The following FRYL variants were observed in gnomAD, a reference collection of about 807,000 sequenced individuals.
FRYL encodes protein furry homolog-like.
Under a neutral mutation model 351.2 loss-of-function variants are expected in FRYL, and 150 were observed. The observed-to-expected ratio is 0.43, with a 90% CI of 0.37 to 0.49. The LOEUF (loss-of-function observed/expected upper bound fraction) is 0.49, where lower values mean the gene tolerates loss of function less well. FRYL is among the 20% of genes least tolerant of loss of function. The probability of loss-of-function intolerance (pLI) is 0.00; values close to 1 mark genes in which losing one functional copy is unlikely to be tolerated. For missense variants in FRYL, 3,036 were observed against 3,619.3 expected, an observed-to-expected ratio of 0.84 and a Z score of 4.13; for synonymous variants, 1,153 against 1,257.1, an observed-to-expected ratio of 0.92 and a Z score of 1.75.
intron 2 of FRYL, among the ~76,000 whole-genome samples, chr4:48,689,895 CTTT>C (rs869300628): frequency 7.4e-6 from 1 of 135,670 alleles, no homozygotes; most frequent in Non-Finnish European, 1.6e-5. Flanking sequence ...TTCTTTTTTT[CTTT>C]TTTTTTTTTT....
At chr4:48,752,330 C>G (rs1298146982) in intron 1 of FRYL, among the ~76,000 whole-genome samples, 1 of 152,164 alleles carries the variant, frequency 6.6e-6, no homozygotes, top group Non-Finnish European at 1.5e-5. Flanking sequence ...CAATTTCTGC[C>G]CAATGAGAAG....
At chr4:48,679,917 A>C (rs1198886771) in intron 3 of FRYL, among the ~76,000 whole-genome samples, 2 of 152,106 alleles carry the variant, frequency 1.3e-5, no homozygotes, top group Admixed American at 1.3e-4. Context: ...TTACATAATT[A>C]TTTTTAATAA....
intron 53 of FRYL, among the ~76,000 whole-genome samples, chr4:48,525,339 G>A (rs1725866494): frequency 6.6e-6 from 1 of 152,032 alleles, no homozygotes; most frequent in Non-Finnish European, 1.5e-5. Context: ...TTGGGAAAAT[G>A]TAAATGGTGG....
intron 33 of FRYL, among the ~76,000 whole-genome samples, chr4:48,559,597 T>C (rs1435294418): frequency 1.7e-5 from 1 of 58,060 alleles, no homozygotes; most frequent in Admixed American, 2.4e-4. Context: ...ACTGGGGAGG[T>C]TGAGGGAAGA....
At chr4:48,552,465 T>C (rs1733090231) in intron 36 of FRYL, among the ~76,000 whole-genome samples, 1 of 152,140 alleles carries the variant, frequency 6.6e-6, no homozygotes, top group South Asian at 2.1e-4. Context: ...CTACTCTTTA[T>C]GAAAAGACAG....
chr4:48,635,501 G>C (rs1754042477), intron 3 of FRYL, among the ~76,000 whole-genome samples: 1 of 152,162 alleles, frequency 6.6e-6, no homozygotes, highest in Admixed American at 6.6e-5. Context: ...TCACTCATAG[G>C]ATAGTGGTGC....
intron 4 of FRYL, among the ~76,000 whole-genome samples, chr4:48,626,087 T>C (rs1381087810): frequency 6.6e-6 from 1 of 152,124 alleles, no homozygotes; most frequent in Non-Finnish European, 1.5e-5. Context: ...ATCCATTTAA[T>C]TATAGAATAC....
At chr4:48,546,350 C>T (rs1731327294) in intron 41 of FRYL, 79 bp from the exon 42 acceptor site, 1 of 1,140,906 alleles carries the variant, frequency 8.8e-7, no homozygotes, top group Non-Finnish European at 1.3e-6. Context: ...ACTGTTGTTC[C>T]TTAGACTCTA....
At chr4:48,588,294 T>C (rs1742557909) in intron 18 of FRYL, among the ~76,000 whole-genome samples, 1 of 152,246 alleles carries the variant, frequency 6.6e-6, no homozygotes, top group Non-Finnish European at 1.5e-5. Context: ...GTTCTTATAA[T>C]TTTATGTTGC....
At chr4:48,611,364 T>A (rs2149284920) in intron 7 of FRYL, among the ~76,000 whole-genome samples, 1 of 152,200 alleles carries the variant, frequency 6.6e-6, no homozygotes, top group South Asian at 2.1e-4. Context: ...ACCTACCAGA[T>A]GTATATATTT....
At chr4:48,535,064 A>G (rs1430263961) in intron 48 of FRYL, among the ~76,000 whole-genome samples, 1 of 152,168 alleles carries the variant, frequency 6.6e-6, no homozygotes, top group Non-Finnish European at 1.5e-5. Flanking sequence ...CTTAGGCATC[A>G]AATAGATATT....
chr4:48,601,192 A>C (rs561834714), intron 13 of FRYL, among the ~76,000 whole-genome samples: 10 of 152,324 alleles, frequency 6.6e-5, no homozygotes, highest in Non-Finnish European at 1.5e-4. Flanking sequence ...TCAAAGTATA[A>C]GGTTTTCAGT....
At position 48,598,590 on chromosome 4, in the gene FRYL, T is replaced by C. The variant is rs540711460; in HGVS notation, c.1036-2590A>G. ...CAGAATATTTTAAAATTGTGACTTT[T>C]GGTGAAGAATCAGCATTCAGTGTCA... On this transcript the variant is annotated intron_variant, in intron 13 of 63. Transcript: ENST00000358350. Among the ~76,000 whole-genome samples, 122 of 152,316 alleles carry C rather than the reference T, an allele frequency of 8.0e-4. 1 individual carries two copies. Among genetic ancestry groups the C allele is most frequent in the African/African-American group, 2.8e-3 (117 of 41,582 alleles).
chr4:48,552,539 G>A (rs1733102135), intron 36 of FRYL, among the ~76,000 whole-genome samples: 1 of 152,132 alleles, frequency 6.6e-6, no homozygotes, highest in Non-Finnish European at 1.5e-5. Flanking sequence ...TAGAGAAAAT[G>A]AGGACTTCTG....
chr4:48,543,370 T>G (rs1730652087), intron 44 of FRYL, among the ~76,000 whole-genome samples: 1 of 152,228 alleles, frequency 6.6e-6, no homozygotes, highest in African/African-American at 2.4e-5. Context: ...TTAGGAACTT[T>G]GTCTCATTGA....
In FRYL at chr4:48,540,553, T is replaced by C. The variant is rs754714221; in HGVS notation, c.6095A>G (p.His2032Arg). ...ACTCTCTGATTTATCCAAAGGCAAATGGATAAGCAGTTTGTTGAGAAGCCT... is the reference window on the plus strand; with the variant it reads ...ACTCTCTGATTTATCCAAAGGCAAACGGATAAGCAGTTTGTTGAGAAGCCT... ...ALRLLNKLLI[H>R]LPLDKSESRE... is the part of the protein sequence containing the mutation. Residue 2032 changes from histidine (H) to arginine (R), a missense_variant, in exon 46 of 64, where the codon CAT (histidine) becomes CGT (arginine). Physicochemically the swap from His to Arg is conservative, Grantham distance 29. Transcript: ENST00000358350. 6.2e-7 allele frequency: 1 copy of C among 1,614,040 alleles called. No individual in the cohort carries two copies. The highest frequency in any genetic ancestry group is 1.1e-5 in the South Asian group (1 of 91,082).
chr4:48,780,055 G>A (rs1365141001), intron 1 of FRYL, 23 bp downstream of exon 1: 1 of 152,196 alleles, frequency 6.6e-6, no homozygotes, highest in Non-Finnish European at 1.5e-5. Flanking sequence ...AAAATGAAGC[G>A]CCTTTCCCCA....
intron 1 of FRYL, among the ~76,000 whole-genome samples, chr4:48,713,635 C>T (rs1768382617): frequency 6.6e-6 from 1 of 152,066 alleles, no homozygotes; most frequent in Non-Finnish European, 1.5e-5. Context: ...TCCTGAGTGA[C>T]CTACAAAGAG....
intron 2 of FRYL, among the ~76,000 whole-genome samples, chr4:48,695,391 G>GT (rs1376308321): frequency 6.6e-6 from 1 of 152,100 alleles, no homozygotes; most frequent in Non-Finnish European, 1.5e-5. Flanking sequence ...TCATTTAAAG[G>GT]TAAGTTTTCC....
Sources: gnomAD v4.1 joint callset for allele counts (sites outside exome capture counted in the v4.1 genomes callset) on GRCh38, gnomAD v4.1.1 for gene constraint, MANE v1.5 for transcripts, NCBI Gene and HGNC (gene_info 2026-07-23, HGNC 2026-07-21) for gene names.